C12orf42: variants seen among roughly 807,000 people sequenced by gnomAD.
C12orf42 encodes the protein uncharacterized protein C12orf42.
Under a neutral mutation model 21.6 loss-of-function variants are expected in C12orf42, and 25 were observed. The observed-to-expected ratio is 1.16, with a 90% CI of 0.84 to 1.62. C12orf42 has a LOEUF of 1.62. Among genes scored for constraint, C12orf42 ranks in the 40% most tolerant of loss-of-function variants. The probability of loss-of-function intolerance (pLI) is 0.00; values close to 1 mark genes in which losing one functional copy is unlikely to be tolerated. For missense variants in C12orf42, 483 were observed against 459.3 expected (o/e 1.05, Z -0.47); for synonymous variants, 174 against 175.0 (o/e 0.99, Z 0.05).
intron 3 of C12orf42, among the ~76,000 whole-genome samples, chr12:103,392,592 T>TA (rs796321958): frequency 2.2e-4 from 31 of 140,884 alleles, no homozygotes; most frequent in African/African-American, 7.2e-4. Flanking sequence ...GATGCAATTT[T>TA]AAATGAAATT....
intron 2 of C12orf42, among the ~76,000 whole-genome samples, chr12:103,463,442 A>C (rs1952877811): frequency 6.6e-6 from 1 of 152,182 alleles, no homozygotes; most frequent in Non-Finnish European, 1.5e-5. Context: ...AGTGAGATAA[A>C]TATTATTATA....
chr12:103,358,039 G>A (rs1014260952), intron 4 of C12orf42, among the ~76,000 whole-genome samples: 4 of 152,004 alleles, frequency 2.6e-5, no homozygotes, highest in Non-Finnish European at 4.4e-5. Flanking sequence ...TACAGTAGGG[G>A]CTTCACTCAC....
intron 2 of C12orf42, among the ~76,000 whole-genome samples, chr12:103,470,314 G>A (rs959590942): frequency 5.9e-5 from 9 of 152,104 alleles, no homozygotes; most frequent in African/African-American, 2.2e-4. Context: ...GAAATACAAA[G>A]TTGTTTCAGA....
chr12:103,445,087 C>T (rs1402703954), intron 2 of C12orf42, among the ~76,000 whole-genome samples: 9 of 151,990 alleles, frequency 5.9e-5, no homozygotes, highest in Non-Finnish European at 1.0e-4. Context: ...GTACTGCTTG[C>T]CAATCTGTAC....
the C12orf42 span, among the ~76,000 whole-genome samples, chr12:103,092,564 G>T: frequency 6.6e-6 from 1 of 152,082 alleles, no homozygotes; most frequent in Non-Finnish European, 1.5e-5. Context: ...ATTCATCTGA[G>T]ACATTCTAAG....
chr12:103,094,876 G>A, the C12orf42 span, among the ~76,000 whole-genome samples: 12 of 152,182 alleles, frequency 7.9e-5, no homozygotes, highest in Non-Finnish European at 2.9e-5. Context: ...CCTGAGCTAA[G>A]TAGTGTTGAG....
intron 2 of C12orf42, among the ~76,000 whole-genome samples, chr12:103,412,505 C>T (rs550062725): frequency 6.6e-6 from 1 of 152,304 alleles, no homozygotes; most frequent in East Asian, 1.9e-4. Flanking sequence ...CCTGTCCCTA[C>T]TAAAAATACA....
chr12:103,461,203 C>T (rs939070879), intron 2 of C12orf42, among the ~76,000 whole-genome samples: 4 of 152,084 alleles, frequency 2.6e-5, no homozygotes, highest in Non-Finnish European at 5.9e-5. Flanking sequence ...GAAACATATG[C>T]TTGAAGAGTA....
the C12orf42 span, among the ~76,000 whole-genome samples, chr12:103,070,454 CTT>C: frequency 1.3e-5 from 2 of 151,852 alleles, no homozygotes; most frequent in Non-Finnish European, 2.9e-5. Flanking sequence ...ACAATGTTGA[CTT>C]TCAAATTCCA....
chr12:103,056,255 TCTTTA>T, the C12orf42 span, among the ~76,000 whole-genome samples: 2 of 152,178 alleles, frequency 1.3e-5, no homozygotes, highest in Non-Finnish European at 1.5e-5. Flanking sequence ...TGCTATGCCA[TCTTTA>T]CTTTATCACT....
At chr12:103,145,870 C>A in the C12orf42 span, among the ~76,000 whole-genome samples, 1 of 151,498 alleles carries the variant, frequency 6.6e-6, no homozygotes, top group Non-Finnish European at 1.5e-5. Context: ...AAAACAGAGT[C>A]CAAACAATAT....
At chr12:103,318,921 G>C (rs1462359588) in intron 4 of C12orf42, among the ~76,000 whole-genome samples, 2 of 152,192 alleles carry the variant, frequency 1.3e-5, no homozygotes, top group African/African-American at 4.8e-5. Flanking sequence ...TTAAGTACTT[G>C]AATGATTCTT....
the C12orf42 span, among the ~76,000 whole-genome samples, chr12:103,547,101 C>T: frequency 6.6e-6 from 1 of 152,168 alleles, no homozygotes; most frequent in South Asian, 2.1e-4. Context: ...TGTATGTATG[C>T]TTTTCTTTTG....
the C12orf42 span, among the ~76,000 whole-genome samples, chr12:103,135,642 GA>G: frequency 6.6e-6 from 1 of 152,096 alleles, no homozygotes. Context: ...TGTAAACATA[GA>G]GGTGAAAATG....
At chr12:103,455,051 A>G (rs1952195548) in intron 2 of C12orf42, among the ~76,000 whole-genome samples, 1 of 152,162 alleles carries the variant, frequency 6.6e-6, no homozygotes, top group Non-Finnish European at 1.5e-5. Flanking sequence ...CAGCACTTGA[A>G]TATAAGTTAT....
the C12orf42 span, among the ~76,000 whole-genome samples, chr12:103,540,515 T>C: frequency 6.6e-6 from 1 of 152,312 alleles, no homozygotes. Context: ...TTTATATTTT[T>C]CCCACACATT....
chr12:103,181,152 C>T, the C12orf42 span, among the ~76,000 whole-genome samples: 2 of 151,938 alleles, frequency 1.3e-5, no homozygotes, highest in Non-Finnish European at 2.9e-5. Context: ...GTCCCAGCTA[C>T]TAGGGAGGCT....
At chr12:103,241,873 T>C (rs954571256) in intron 10 of C12orf42, among the ~76,000 whole-genome samples, 12 of 152,154 alleles carry the variant, frequency 7.9e-5, no homozygotes, top group Non-Finnish European at 2.9e-5. Context: ...TTAGCCTGTG[T>C]TATTAGTCTT....
At chr12:103,118,080 G>A in the C12orf42 span, among the ~76,000 whole-genome samples, 95 of 152,294 alleles carry the variant, frequency 6.2e-4, 1 homozygote, top group African/African-American at 2.1e-3. Flanking sequence ...TAATAAGTAA[G>A]CTAGTGTTTT....
Sources: allele counts gnomAD v4.1 joint callset (sites outside exome capture counted in the v4.1 genomes callset), GRCh38; gene constraint gnomAD v4.1.1; transcripts MANE v1.5; gene names NCBI Gene and HGNC (gene_info 2026-07-23, HGNC 2026-07-21).